MYOCOS: variants seen among roughly 807,000 people sequenced by gnomAD.
MYOCOS encodes myocilin opposite strand protein.
intron 2 of MYOCOS, among the ~76,000 whole-genome samples, 168 bp downstream of exon 2, chr1:171,624,146 A>G (rs556853660): frequency 6.6e-6 from 1 of 152,332 alleles, no homozygotes; most frequent in Non-Finnish European, 1.5e-5. Flanking sequence ...TCCATTGTGG[A>G]AAACAGACTT....
intron 2 of MYOCOS, among the ~76,000 whole-genome samples, chr1:171,625,227 G>A (rs1031535861): frequency 6.6e-6 from 1 of 152,182 alleles, no homozygotes; most frequent in African/African-American, 2.4e-5. Context: ...GTGCTCTAAT[G>A]TCCATCCAAG....
chr1:171,607,166 T>C (rs1243229452), intron 1 of MYOCOS, among the ~76,000 whole-genome samples: 6 of 150,230 alleles, frequency 4.0e-5, no homozygotes, highest in Admixed American at 4.0e-4. Context: ...ACCTCTAAAA[T>C]GGAGATGATT....
At chr1:171,605,396 A>ACATACACAC (rs1415539776) in intron 1 of MYOCOS, among the ~76,000 whole-genome samples, 1 of 120,822 alleles carries the variant, frequency 8.3e-6, no homozygotes, top group Non-Finnish European at 1.7e-5. Flanking sequence ...CACACACACA[A>ACATACACAC]AAAAAAAAAA....
Position 171,626,504 on chromosome 1 carries a change from A to T in MYOCOS, c.146A>T (p.His49Leu), listed in dbSNP as rs1444474233. 5.0e-6 allele frequency: 2 copies of T among 398,530 alleles called. No individual in the cohort carries two copies. 24.7% of individuals were successfully genotyped at this position (398,530 alleles called of 1,614,324 possible). A position where few individuals can be genotyped will look rare whatever the true frequency, so the allele number is the denominator to read the frequency against. ...GATGAAGCTAAGGAGATGCTCTCCCACTTGGATTTGGAGCAAGCCCCTCCC... is the reference window on the plus strand; with the variant it reads ...GATGAAGCTAAGGAGATGCTCTCCCTCTTGGATTTGGAGCAAGCCCCTCCC... ...KSDEAKEMLS[H>L]LDLEQAPPPH... Residue 49 changes from histidine (H) to leucine (L), a missense_variant, in exon 3 of 3, where the codon CAC (histidine) becomes CTC (leucine). Physicochemically the swap from His to Leu is moderately conservative, Grantham distance 99 (BLOSUM62 -3). Transcript: ENST00000637642.
At chr1:171,607,090 T>C (rs1413936142) in intron 1 of MYOCOS, among the ~76,000 whole-genome samples, 8 of 112,080 alleles carry the variant, frequency 7.1e-5, no homozygotes, top group Admixed American at 5.1e-4. Context: ...TGAGACTCTG[T>C]CTCAAAAAAA....
intron 1 of MYOCOS, among the ~76,000 whole-genome samples, chr1:171,606,553 A>G (rs1169128928): frequency 6.6e-6 from 1 of 151,856 alleles, no homozygotes; most frequent in African/African-American, 2.4e-5. Context: ...CAGGCATTGT[A>G]TAAAAGAACA....
chr1:171,613,153 G>A (rs1652384397), intron 1 of MYOCOS, among the ~76,000 whole-genome samples: 1 of 152,116 alleles, frequency 6.6e-6, no homozygotes, highest in African/African-American at 2.4e-5. Flanking sequence ...AATGTCCCTA[G>A]ATCTCTGTGG....
At chr1:171,616,147 G>C (rs1252763247) in intron 2 of MYOCOS, among the ~76,000 whole-genome samples, 1 of 152,162 alleles carries the variant, frequency 6.6e-6, no homozygotes, top group Non-Finnish European at 1.5e-5. Flanking sequence ...AACCCCAGAG[G>C]CAGAGGTTGC....
intron 1 of MYOCOS, among the ~76,000 whole-genome samples, chr1:171,623,299 T>G (rs956714058): frequency 6.6e-6 from 1 of 152,140 alleles, no homozygotes; most frequent in Non-Finnish European, 1.5e-5. Flanking sequence ...AACCCTCCAG[T>G]CTCTATGCCA....
chr1:171,603,382 T>C (rs1369210210), intron 1 of MYOCOS, among the ~76,000 whole-genome samples: 1 of 152,194 alleles, frequency 6.6e-6, no homozygotes, highest in African/African-American at 2.4e-5. Context: ...CACCCTGGCA[T>C]TTCATCAACC....
intron 1 of MYOCOS, among the ~76,000 whole-genome samples, chr1:171,609,245 T>G (rs758672986): frequency 6.6e-6 from 1 of 152,244 alleles, no homozygotes; most frequent in Non-Finnish European, 1.5e-5. Context: ...TGGACAAGCA[T>G]GTACTAAAAG....
At chr1:171,609,487 G>T (rs1356373731) in intron 1 of MYOCOS, among the ~76,000 whole-genome samples, 1 of 152,188 alleles carries the variant, frequency 6.6e-6, no homozygotes, top group Non-Finnish European at 1.5e-5. Flanking sequence ...TAAACATCCA[G>T]GTCTCAGAGT....
At chr1:171,604,371 C>T (rs1652203973) in intron 1 of MYOCOS, 2 of 152,194 alleles carry the variant, frequency 1.3e-5, no homozygotes, top group Non-Finnish European at 2.9e-5. Context: ...TACATCAAGT[C>T]ACTGAGGTAA....
chr1:171,608,408 CTTTTTTTTTTTTT>C (rs34773729), intron 1 of MYOCOS, among the ~76,000 whole-genome samples: 2 of 51,362 alleles, frequency 3.9e-5, no homozygotes, highest in African/African-American at 1.7e-4. Flanking sequence ...GGGAACCAGA[CTTTTTTTTTTTTT>C]TTTTTTTTTT....
chr1:171,601,177 C>G (rs2102930367), intron 1 of MYOCOS: 1 of 152,436 alleles, frequency 6.6e-6, no homozygotes, highest in Non-Finnish European at 1.5e-5. Flanking sequence ...AAGGAACTGG[C>G]ACTTGGAGTC....
At chr1:171,613,502 C>T (rs1006375472) in intron 1 of MYOCOS, among the ~76,000 whole-genome samples, 1 of 152,052 alleles carries the variant, frequency 6.6e-6, no homozygotes, top group Non-Finnish European at 1.5e-5. Flanking sequence ...ATCTCACTTT[C>T]TCTTGGCTTG....
intron 1 of MYOCOS, among the ~76,000 whole-genome samples, chr1:171,611,762 GC>G (rs1317081648): frequency 4.6e-5 from 7 of 152,126 alleles, no homozygotes; most frequent in African/African-American, 1.7e-4. Flanking sequence ...ATCCAAAGAG[GC>G]CTACCAGGCA....
At chr1:171,610,024 C>A (rs536928161) in intron 1 of MYOCOS, among the ~76,000 whole-genome samples, 1 of 152,346 alleles carries the variant, frequency 6.6e-6, no homozygotes, top group East Asian at 1.9e-4. Context: ...CACAGGGATG[C>A]CTCACGTTAT....
At chr1:171,619,768 G>A (rs1353735438), upstream of MYOCOS, among the ~76,000 whole-genome samples, 1 of 151,128 alleles carries the variant, frequency 6.6e-6, no homozygotes. Context: ...CCCGGGAGGT[G>A]GAGATTGCAG....
Sources: gnomAD v4.1 joint callset for allele counts (sites outside exome capture counted in the v4.1 genomes callset) on GRCh38, gnomAD v4.1.1 for gene constraint, MANE v1.5 for transcripts, NCBI Gene and HGNC (gene_info 2026-07-23, HGNC 2026-07-21) for gene names.